The following MACROD2 variants were observed in gnomAD, a reference collection of about 807,000 sequenced individuals.
MACROD2 encodes ADP-ribose glycohydrolase MACROD2.
Under a neutral mutation model 70.4 loss-of-function variants are expected in MACROD2, and 36 were observed. That is an observed-to-expected ratio of 0.51 (90% CI 0.39 to 0.68). The LOEUF (loss-of-function observed/expected upper bound fraction) is 0.68, where lower values mean the gene tolerates loss of function less well. Among genes scored for constraint, MACROD2 ranks in the 30% least tolerant of loss-of-function variants. The pLI is 0.00. For synonymous variants in MACROD2, 172 were observed against 178.8 expected, an observed-to-expected ratio of 0.96 and a Z score of 0.30; for missense variants, 496 against 538.4, an observed-to-expected ratio of 0.92 and a Z score of 0.78.
chr20:15,052,530 A>G (rs891572163), intron 5 of MACROD2, among the ~76,000 whole-genome samples: 2 of 152,078 alleles, frequency 1.3e-5, no homozygotes, highest in South Asian at 2.1e-4. Flanking sequence ...TGACATTACT[A>G]TTGTCATTGT....
intron 3 of MACROD2, among the ~76,000 whole-genome samples, chr20:14,283,186 G>T (rs1199995941): frequency 6.6e-6 from 1 of 152,144 alleles, no homozygotes; most frequent in Non-Finnish European, 1.5e-5. Flanking sequence ...TTATACTATT[G>T]CAACTTCTGC....
intron 3 of MACROD2, among the ~76,000 whole-genome samples, chr20:14,284,275 A>G (rs2082327856): frequency 1.3e-5 from 2 of 152,194 alleles, no homozygotes; most frequent in African/African-American, 4.8e-5. Flanking sequence ...GAAAATCTTA[A>G]TGCTAAATTT....
intron 8 of MACROD2, among the ~76,000 whole-genome samples, chr20:15,613,152 A>C (rs1201290484): frequency 6.6e-6 from 1 of 152,246 alleles, no homozygotes; most frequent in African/African-American, 2.4e-5. Flanking sequence ...TGGCTATATT[A>C]AAATGGCAGA....
intron 5 of MACROD2, among the ~76,000 whole-genome samples, chr20:14,965,506 G>C (rs2074627201): frequency 7.5e-6 from 1 of 133,224 alleles, no homozygotes; most frequent in African/African-American, 2.8e-5. Context: ...AGTCCCCCAG[G>C]CTGGAGTGTA....
At chr20:14,841,975 A>G (rs778251685) in intron 5 of MACROD2, among the ~76,000 whole-genome samples, 3 of 152,056 alleles carry the variant, frequency 2.0e-5, no homozygotes, top group Non-Finnish European at 2.9e-5. Flanking sequence ...CTGCTGCTGT[A>G]TAACAGAATA....
At position 14,085,606 on chromosome 20, in the gene MACROD2, C is replaced by A. The variant is rs187016452; in HGVS notation, c.164-15C>A. The stretch of plus-strand genomic sequence containing the variant: ...AATAATATTATTATTGATATATATC[C>A]ATTTTCTATTACAGAAGAAAATACT... On this transcript the variant is annotated splice_polypyrimidine_tract_variant and intron_variant, in intron 2 of 17. Transcript: ENST00000684519. The A allele has an allele frequency of 1.1e-5, 15 of 1,376,496 alleles. No homozygotes were observed. In the East Asian group the frequency reaches 2.6e-4, roughly 24 times the overall value. The allele number at this position is 1,376,496 out of a possible 1,614,324, so 85.3% of individuals were successfully genotyped here.
At chr20:15,011,358 A>C (rs1209409881) in intron 5 of MACROD2, among the ~76,000 whole-genome samples, 1 of 152,062 alleles carries the variant, frequency 6.6e-6, no homozygotes, top group African/African-American at 2.4e-5. Flanking sequence ...GAGTGAGAGA[A>C]GGAGGATCTC....
At chr20:14,734,501 A>AAAAAAAAC (rs2071636625) in intron 5 of MACROD2, among the ~76,000 whole-genome samples, 1 of 140,170 alleles carries the variant, frequency 7.1e-6, no homozygotes, top group Non-Finnish European at 1.5e-5. Flanking sequence ...ACTCCATATC[A>AAAAAAAAC]AAAAAAACAA....
chr20:14,667,393 A>C (rs2070747367), intron 4 of MACROD2, among the ~76,000 whole-genome samples: 1 of 152,190 alleles, frequency 6.6e-6, no homozygotes, highest in Admixed American at 6.6e-5. Flanking sequence ...TTGCCAATCC[A>C]CTGATTAAAA....
chr20:15,835,824 A>T (rs1236801249), intron 8 of MACROD2, among the ~76,000 whole-genome samples: 1 of 152,148 alleles, frequency 6.6e-6, no homozygotes, highest in East Asian at 1.9e-4. Flanking sequence ...GAGTTTCCTC[A>T]TCTACACAAT....
intron 8 of MACROD2, among the ~76,000 whole-genome samples, chr20:15,800,886 T>A (rs2063718373): frequency 6.6e-6 from 1 of 151,848 alleles, no homozygotes; most frequent in East Asian, 1.9e-4. Flanking sequence ...TCTGTGACCT[T>A]ACCCCCAACC....
chr20:14,475,196 CTGA>C (rs1334320347), intron 3 of MACROD2, among the ~76,000 whole-genome samples: 4 of 152,110 alleles, frequency 2.6e-5, no homozygotes, highest in Non-Finnish European at 5.9e-5. Flanking sequence ...TTATTTTAAA[CTGA>C]TAACAACTTA....
chr20:15,779,964 G>A (rs2051801712), intron 8 of MACROD2, among the ~76,000 whole-genome samples: 1 of 152,006 alleles, frequency 6.6e-6, no homozygotes, highest in African/African-American at 2.4e-5. Flanking sequence ...AGGCATTTTA[G>A]CATATCAGAG....
chr20:15,224,419 A>T (rs893632760), intron 5 of MACROD2, among the ~76,000 whole-genome samples: 1 of 152,142 alleles, frequency 6.6e-6, no homozygotes, highest in African/African-American at 2.4e-5. Flanking sequence ...AGAGGAACTT[A>T]CTCATAATCA....
At chr20:15,226,447 C>A (rs2076906909) in intron 5 of MACROD2, among the ~76,000 whole-genome samples, 1 of 152,048 alleles carries the variant, frequency 6.6e-6, no homozygotes, top group African/African-American at 2.4e-5. Flanking sequence ...GATTCAAAAC[C>A]CATGTGCAAG....
rs921154879 is a variant in MACROD2, at chr20:13,995,906, C to G, written c.46+97C>G. ...TGCCGCGGCGCCCTCCGCCCGAGCT[C>G]CCGCCTCGCGCCCTCCCGGCCGGTG... On this transcript the variant is annotated intron_variant, in intron 1 of 17. Transcript: ENST00000684519. This position sits in a 1 kb window ranked among gnomAD's most constrained non-coding sequence, Gnocchi z 4.3. 4.9e-6 allele frequency: 7 copies of G among 1,420,078 alleles called. No individual in the cohort carries two copies. The highest frequency in any genetic ancestry group is 2.5e-5 in the South Asian group (2 of 80,932). The allele number at this position is 1,420,078 out of a possible 1,614,324, so 88.0% of individuals were successfully genotyped here. A position where few individuals can be genotyped will look rare whatever the true frequency, so the allele number is the denominator to read the frequency against.
rs1323400630 is a variant in MACROD2, at chr20:15,309,806, G to T, written c.540+79745G>T. ...AATAAGAGAAGGCTTCAAAGAGAAA[G>T]TGATATTTTTGCTAGGTATTGAAGA... On this transcript the variant is annotated intron_variant, in intron 6 of 17. Coordinates refer to ENST00000684519, the MANE Select transcript of MACROD2 (RefSeq NM_001351661.2). Among the ~76,000 whole-genome samples, 4 of 152,164 alleles carry T rather than the reference G, an allele frequency of 2.6e-5. No individual in the cohort carries two copies. The East Asian group carries it at 7.7e-4, about 29-fold the overall frequency.
At chr20:15,509,226 C>T (rs6043336) in intron 8 of MACROD2, among the ~76,000 whole-genome samples, 5,275 of 152,160 alleles carry the variant, frequency 0.035, 320 homozygotes, top group African/African-American at 0.12. Flanking sequence ...TCAATATTCC[C>T]TTCATACTGG....
chr20:14,540,821 C>T (rs1225807544), intron 4 of MACROD2, among the ~76,000 whole-genome samples: 1 of 152,168 alleles, frequency 6.6e-6, no homozygotes, highest in Non-Finnish European at 1.5e-5. Flanking sequence ...TAACCGTGCT[C>T]TACATTAGGA....
Sources: allele counts gnomAD v4.1 joint callset (sites outside exome capture counted in the v4.1 genomes callset), GRCh38; gene constraint gnomAD v4.1.1; non-coding constraint Gnocchi (gnomAD v3.1); transcripts MANE v1.5; gene names NCBI Gene and HGNC (gene_info 2026-07-23, HGNC 2026-07-21).